KAT7: variants seen among roughly 807,000 people sequenced by gnomAD.
The protein encoded by KAT7 is histone acetyltransferase KAT7.
KAT7 carries 10 observed loss-of-function variants against 82.1 expected under a neutral mutation model. That is an observed-to-expected ratio of 0.12 (90% CI 0.08 to 0.21). The LOEUF (loss-of-function observed/expected upper bound fraction) is 0.21. Among genes scored for constraint, KAT7 ranks in the 10% least tolerant of loss-of-function variants. The pLI is 1.00. For synonymous variants in KAT7, 250 were observed against 262.5 expected (o/e 0.95, Z 0.46); for missense variants, 378 against 760.9 (o/e 0.50, Z 5.92).
intron 12 of KAT7, among the ~76,000 whole-genome samples, chr17:49,824,244 G>A (rs528137668): frequency 2.0e-5 from 3 of 152,158 alleles, no homozygotes; most frequent in Non-Finnish European, 4.4e-5. Context: ...CATAACTGCT[G>A]TGAATAACAA....
At chr17:49,812,519 C>T (rs959105507) in intron 7 of KAT7, among the ~76,000 whole-genome samples, 11 of 152,090 alleles carry the variant, frequency 7.2e-5, no homozygotes, top group African/African-American at 2.7e-4. Flanking sequence ...GCCACCATGC[C>T]CGGCCTTAAA....
At chr17:49,803,615 G>A (rs926975272) in intron 4 of KAT7, among the ~76,000 whole-genome samples, 5 of 150,994 alleles carry the variant, frequency 3.3e-5, no homozygotes, top group Admixed American at 6.6e-5. Context: ...TAGTAGAGAC[G>A]GGGTTTCACC....
At chr17:49,824,926 TAAAA>T (rs939706249) in intron 12 of KAT7, among the ~76,000 whole-genome samples, 1 of 148,038 alleles carries the variant, frequency 6.8e-6, no homozygotes, top group Non-Finnish European at 1.5e-5. Context: ...TATTACACCT[TAAAA>T]AAAAAAGTCC....
chr17:49,813,086 A>G (rs1443591558), intron 7 of KAT7, among the ~76,000 whole-genome samples: 2 of 137,784 alleles, frequency 1.5e-5, no homozygotes, highest in African/African-American at 5.6e-5. Flanking sequence ...ACATAGATCT[A>G]TTGTGTGATG....
intron 12 of KAT7, among the ~76,000 whole-genome samples, chr17:49,825,571 GAGAC>G (rs1268339136): frequency 1.3e-5 from 2 of 152,190 alleles, no homozygotes; most frequent in Non-Finnish European, 2.9e-5. Context: ...GATATTTTGA[GAGAC>G]AGACAACCTT....
intron 1 of KAT7, among the ~76,000 whole-genome samples, chr17:49,790,429 T>C (rs2073871795): frequency 6.6e-6 from 1 of 152,176 alleles, no homozygotes; most frequent in African/African-American, 2.4e-5. Context: ...ACTCCTGACC[T>C]CAGGTGATCC....
intron 7 of KAT7, among the ~76,000 whole-genome samples, chr17:49,814,737 A>T (rs970648355): frequency 6.6e-6 from 1 of 152,116 alleles, no homozygotes; most frequent in Non-Finnish European, 1.5e-5. Flanking sequence ...AGTGTTCCTC[A>T]AAATAGAAGA....
intron 7 of KAT7, among the ~76,000 whole-genome samples, chr17:49,812,948 G>A (rs367618452): frequency 1.4e-4 from 21 of 148,606 alleles, no homozygotes; most frequent in Admixed American, 3.4e-4. Flanking sequence ...TGATCCACCC[G>A]CCTCGGCCTC....
At chr17:49,806,523 A>C (rs1372995156) in intron 5 of KAT7, among the ~76,000 whole-genome samples, 1 of 152,224 alleles carries the variant, frequency 6.6e-6, no homozygotes, top group East Asian at 1.9e-4. Context: ...CAAAACAGAA[A>C]AAGCTGTGCC....
At position 49,829,815 on chromosome 17, in the gene KAT7, C is replaced by A. The variant is rs889405241; in HGVS notation, c.*2313C>A. On this transcript the variant is annotated 3_prime_UTR_variant, in exon 15 of 15. Transcript: ENST00000259021. Reference sequence around the variant, plus strand: ...AAAAGGATTTATTATCTCATTTAAACCCCCACAGGTGTGGAAACAGAGTTT... The same window carrying A: ...AAAAGGATTTATTATCTCATTTAAAACCCCACAGGTGTGGAAACAGAGTTT... 1 of 152,196 alleles carries A rather than the reference C, an allele frequency of 6.6e-6. No individual in the cohort carries two copies. Among genetic ancestry groups the A allele is most frequent in the Non-Finnish European group, 1.5e-5 (1 of 68,054 alleles). The allele number at this position is 152,196 out of a possible 1,614,324, so 9.4% of individuals were successfully genotyped here.
chr17:49,794,398 G>A (rs940400594), intron 2 of KAT7, among the ~76,000 whole-genome samples: 1 of 152,212 alleles, frequency 6.6e-6, no homozygotes, highest in African/African-American at 2.4e-5. Flanking sequence ...GAATTCTCCT[G>A]CCCCAGCCTC....
chr17:49,803,646 G>T (rs913151721), intron 4 of KAT7, among the ~76,000 whole-genome samples: 1 of 150,432 alleles, frequency 6.6e-6, no homozygotes, highest in South Asian at 2.1e-4. Context: ...GAATGGTCTC[G>T]ATCTCCTGAC....
At chr17:49,810,307 A>G (rs2074146266) in intron 6 of KAT7, among the ~76,000 whole-genome samples, 1 of 152,140 alleles carries the variant, frequency 6.6e-6, no homozygotes, top group Admixed American at 6.5e-5. Context: ...CCCCGGCTGG[A>G]GTGCAGTGGT....
chr17:49,801,631 A>G (rs2074025933), intron 4 of KAT7, among the ~76,000 whole-genome samples: 1 of 152,106 alleles, frequency 6.6e-6, no homozygotes, highest in African/African-American at 2.4e-5. Context: ...CTGGGACTAC[A>G]GGCACATGCC....
intron 4 of KAT7, among the ~76,000 whole-genome samples, chr17:49,800,043 G>T (rs1333694615): frequency 4.2e-5 from 5 of 119,098 alleles, no homozygotes; most frequent in Admixed American, 1.1e-4. Flanking sequence ...ACTGAGTCTC[G>T]CTCTGTCCCC....
At chr17:49,821,193 T>G in intron 9 of KAT7, 144 bp from the exon 10 acceptor site, 1 of 591,698 alleles carries the variant, frequency 1.7e-6, no homozygotes, top group South Asian at 2.4e-5. Context: ...GGAAATAAAA[T>G]CTCTGTTTTG....
At chr17:49,817,792 C>T (rs1482396536) in intron 8 of KAT7, 28 bp from the exon 9 acceptor site, 1 of 1,585,154 alleles carries the variant, frequency 6.3e-7, no homozygotes, top group South Asian at 1.1e-5. Context: ...TTCTGATCCT[C>T]CTTTGACTTT....
Position 49,830,921 on chromosome 17 carries a change from T to G in KAT7, c.*3419T>G, listed in dbSNP as rs1598096957. 1 of 151,906 alleles carries G rather than the reference T, an allele frequency of 6.6e-6. No homozygotes were observed. The highest frequency in any genetic ancestry group is 1.9e-4 in the East Asian group (1 of 5,206). 9.4% of individuals were successfully genotyped at this position (151,906 alleles called of 1,614,324 possible). A position where few individuals can be genotyped will look rare whatever the true frequency, so the allele number is the denominator to read the frequency against. On this transcript the variant is annotated 3_prime_UTR_variant, in exon 15 of 15. Coordinates refer to ENST00000259021, the MANE Select transcript of KAT7 (RefSeq NM_007067.5). ...AAAACTTTCAGGCAAAAGGATTTTC[T>G]TTTTATATTTTTTCTTATTATTTTT...
At chr17:49,812,895 G>T (rs1393888188) in intron 7 of KAT7, among the ~76,000 whole-genome samples, 2 of 151,110 alleles carry the variant, frequency 1.3e-5, no homozygotes, top group Non-Finnish European at 2.9e-5. Flanking sequence ...TAGAGATGGG[G>T]TTTCACCATG....
Sources: allele counts gnomAD v4.1 joint callset (sites outside exome capture counted in the v4.1 genomes callset), GRCh38; gene constraint gnomAD v4.1.1; transcripts MANE v1.5; gene names NCBI Gene and HGNC (gene_info 2026-07-23, HGNC 2026-07-21).